GEN1: variants seen among roughly 807,000 people sequenced by gnomAD.
The protein encoded by GEN1 is flap endonuclease GEN homolog 1.
In GEN1, 64 loss-of-function variants were observed where a neutral mutation model predicts 67.6. The observed-to-expected ratio is 0.95, with a 90% CI of 0.77 to 1.17. The LOEUF is 1.17. Among genes scored for constraint, GEN1 ranks in the 50% most tolerant of loss-of-function variants. The probability of loss-of-function intolerance (pLI) is 0.00; values close to 1 mark genes in which losing one functional copy is unlikely to be tolerated. For missense variants in GEN1, 1,058 were observed against 1,048.3 expected, an observed-to-expected ratio of 1.01 and a Z score of -0.13; for synonymous variants, 371 against 359.4, an observed-to-expected ratio of 1.03 and a Z score of -0.37.
Position 17,780,748 on chromosome 2 carries a change from C to G in GEN1, c.1536C>G (p.Ser512=), listed in dbSNP as rs571920756. Residue 512 remains serine, a synonymous_variant, in exon 14 of 14, where the codon TCC becomes TCG. Coordinates refer to ENST00000381254, the MANE Select transcript of GEN1 (RefSeq NM_001130009.3). ...ATTCCAAGTTAAATTCGGGGATTTC[C>G]CCTGATCCTACATTACCACAGGAAT... ...KQNSKLNSGI[S]PDPTLPQESI... 1 of 1,613,942 alleles carries G rather than the reference C, an allele frequency of 6.2e-7. No homozygotes were observed. The highest frequency in any genetic ancestry group is 8.5e-7 in the Non-Finnish European group (1 of 1,179,894).
chr2:17,774,797 G>T (rs1171663495), intron 11 of GEN1, among the ~76,000 whole-genome samples: 2 of 151,808 alleles, frequency 1.3e-5, no homozygotes, highest in South Asian at 4.2e-4. Flanking sequence ...AAAAAATGGG[G>T]ACCAAAAGTG....
rs1486144129 is a variant in GEN1, at chr2:17,778,447, T to C, written c.1264+384T>C. Among the ~76,000 whole-genome samples, 2 of 85,872 alleles carry C rather than the reference T, an allele frequency of 2.3e-5. 1 individual carries two copies. The highest frequency in any genetic ancestry group is 7.5e-5 in the African/African-American group (2 of 26,516). 56.3% of individuals were successfully genotyped at this position (85,872 alleles called of 152,430 possible). A position where few individuals can be genotyped will look rare whatever the true frequency, so the allele number is the denominator to read the frequency against. Reference sequence around the variant, plus strand: ...ACATATATGTATATACACACACATATATGTGTGTACATATATGTATATACA... The same window carrying C: ...ACATATATGTATATACACACACATACATGTGTGTACATATATGTATATACA... On this transcript the variant is annotated intron_variant, in intron 12 of 13. Coordinates refer to ENST00000381254, the MANE Select transcript of GEN1 (RefSeq NM_001130009.3).
intron 11 of GEN1, among the ~76,000 whole-genome samples, chr2:17,775,550 A>G (rs1672386800): frequency 6.6e-6 from 1 of 152,224 alleles, no homozygotes; most frequent in South Asian, 2.1e-4. Context: ...GACATCAACG[A>G]TAAAAGGAAT....
rs1558409059 is a variant in GEN1 at position 17,778,278 on chromosome 2, A to ATACACACACGTGTGTGTGTACATATATG, written c.1264+217_1264+218insCACACACGTGTGTGTGTACATATATGTA. ...CACACATATGTGTGTACATATATGT[A>ATACACACACGTGTGTGTGTACATATATG]TATACACACACATGTGTGTGTACAT... On this transcript the variant is annotated intron_variant, in intron 12 of 13. Coordinates refer to ENST00000381254, the MANE Select transcript of GEN1 (RefSeq NM_001130009.3). Among the ~76,000 whole-genome samples, 162 of 32,854 alleles carry ATACACACACGTGTGTGTGTACATATATG rather than the reference A, an allele frequency of 4.9e-3. 23 individuals carry two copies. The East Asian group carries it at 0.21, about 43-fold the overall frequency. The allele number at this position is 32,854 out of a possible 152,430, so 21.6% of individuals were successfully genotyped here.
chr2:17,763,600 A>G (rs1487760822), intron 3 of GEN1, among the ~76,000 whole-genome samples: 2 of 152,054 alleles, frequency 1.3e-5, no homozygotes, highest in Non-Finnish European at 2.9e-5. Context: ...TACCACCTCC[A>G]CCCCACATGG....
chr2:17,779,083 T>C (rs1221610161), intron 12 of GEN1, among the ~76,000 whole-genome samples: 1 of 152,090 alleles, frequency 6.6e-6, no homozygotes, highest in Non-Finnish European at 1.5e-5. Flanking sequence ...CCATCATGCC[T>C]GGCTAATTTT....
intron 3 of GEN1, among the ~76,000 whole-genome samples, chr2:17,762,449 C>T (rs1238443752): frequency 6.6e-6 from 1 of 151,944 alleles, no homozygotes; most frequent in Non-Finnish European, 1.5e-5. Flanking sequence ...CTTCGTGATC[C>T]GCCTGCCTCG....
chr2:17,767,280 T>A (rs532955721), intron 5 of GEN1, among the ~76,000 whole-genome samples: 1 of 152,310 alleles, frequency 6.6e-6, no homozygotes, highest in African/African-American at 2.4e-5. Flanking sequence ...TTTTTAAATG[T>A]AGTGTTTAAA....
intron 5 of GEN1, 101 bp downstream of exon 5, chr2:17,766,790 C>G: frequency 1.7e-6 from 1 of 585,504 alleles, no homozygotes; most frequent in Non-Finnish European, 3.0e-6. Context: ...GATTAAAAAT[C>G]GAATTTAAAA....
intron 4 of GEN1, among the ~76,000 whole-genome samples, chr2:17,766,169 A>C (rs1003739227): frequency 1.3e-5 from 2 of 152,094 alleles, no homozygotes; most frequent in African/African-American, 4.8e-5. Context: ...GAATAATTAA[A>C]CTTTTTTTCT....
Position 17,774,338 on chromosome 2 carries a change from C to T in GEN1, c.1139C>T (p.Thr380Ile). 1 of 1,604,372 alleles carries T rather than the reference C, an allele frequency of 6.2e-7. No individual in the cohort carries two copies. Among genetic ancestry groups the T allele is most frequent in the Non-Finnish European group, 8.5e-7 (1 of 1,173,062 alleles). ...TGTGAGAAATTGCTGGTACTTTTGA[C>T]CCATTATGACATGATAGAAAGAAAG... is the stretch of plus-strand genomic sequence containing the variant. ...YACEKLLVLLTHYDMIERKLG... is the reference protein window; with the variant it reads ...YACEKLLVLLIHYDMIERKLG... The change falls in exon 11 of 14, where the codon ACC (threonine) becomes ATC (isoleucine). Residue 380 changes from threonine (T) to isoleucine (I), a missense_variant. Thr to Ile is a moderately conservative substitution (Grantham distance 89). Transcript: ENST00000381254.
In GEN1 at chr2:17,785,623, G is replaced by A. The variant is rs1673032119; in HGVS notation, c.*3684G>A. On this transcript the variant is annotated 3_prime_UTR_variant, in exon 14 of 14. Transcript: ENST00000381254. Reference sequence around the variant, plus strand: ...ATAAAATCTCTATCTGGCCACACATGGTGGCCGTGCCTGTAATCCCAGCAC... The same window carrying A: ...ATAAAATCTCTATCTGGCCACACATAGTGGCCGTGCCTGTAATCCCAGCAC... The A allele has an allele frequency of 6.6e-6, 1 of 152,158 alleles. No homozygotes were observed. The highest frequency in any genetic ancestry group is 2.4e-5 in the African/African-American group (1 of 41,424). 9.4% of individuals were successfully genotyped at this position (152,158 alleles called of 1,614,324 possible).
At chr2:17,778,580 A>G (rs1462938533) in intron 12 of GEN1, among the ~76,000 whole-genome samples, 2 of 147,518 alleles carry the variant, frequency 1.4e-5, no homozygotes, top group Non-Finnish European at 1.5e-5. Context: ...AATAGTAAAT[A>G]TGATAAACTT....
In GEN1 at chr2:17,786,151, A is replaced by T. The variant is rs1209735939; in HGVS notation, c.*4212A>T. 2.0e-5 allele frequency: 3 copies of T among 152,210 alleles called. No homozygotes were observed. The highest frequency in any genetic ancestry group is 4.4e-5 in the Non-Finnish European group (3 of 68,028). The allele number at this position is 152,210 out of a possible 1,614,324, so 9.4% of individuals were successfully genotyped here. ...GAGATACAGTGATCAATGGCATCCT[A>T]TAAGGTTTTGATATCTGTGAAGTCA... On this transcript the variant is annotated 3_prime_UTR_variant, in exon 14 of 14. Coordinates refer to ENST00000381254, the MANE Select transcript of GEN1 (RefSeq NM_001130009.3).
Position 17,778,197 on chromosome 2 carries a change from CAT to C in GEN1, c.1264+139_1264+140del, listed in dbSNP as rs10535307. 142,592 of 333,862 alleles carry C rather than the reference CAT, an allele frequency of 0.43. 36,622 individuals carry two copies. Among genetic ancestry groups the C allele is most frequent in the South Asian group, 0.59 (15,615 of 26,684 alleles). 20.7% of individuals were successfully genotyped at this position (333,862 alleles called of 1,614,324 possible). A position where few individuals can be genotyped will look rare whatever the true frequency, so the allele number is the denominator to read the frequency against. The stretch of plus-strand genomic sequence containing the variant: ...GTGTATATATATATATACACACACA[CAT>C]ATATGTGTATATATATGTATACACA... On this transcript the variant is annotated intron_variant, in intron 12 of 13. Coordinates refer to ENST00000381254, the MANE Select transcript of GEN1 (RefSeq NM_001130009.3).
rs370543911 is a variant in GEN1 at position 17,778,251 on chromosome 2, TAC to T, written c.1264+194_1264+195del. Among the ~76,000 whole-genome samples, 4 of 106,136 alleles carry T rather than the reference TAC, an allele frequency of 3.8e-5. 2 individuals are homozygous for T. Among genetic ancestry groups the T allele is most frequent in the African/African-American group, 1.9e-4 (4 of 21,282 alleles). 69.6% of individuals were successfully genotyped at this position (106,136 alleles called of 152,430 possible). On this transcript the variant is annotated intron_variant, in intron 12 of 13. Transcript: ENST00000381254. ...ACATATATGTGTGTACATATATGTA[TAC>T]ACACATATGTGTGTACATATATGTA...
At chr2:17,756,416 GATAT>G (rs1553325885) in intron 1 of GEN1, among the ~76,000 whole-genome samples, 1 of 152,018 alleles carries the variant, frequency 6.6e-6, no homozygotes, top group African/African-American at 2.4e-5. Flanking sequence ...GACTTCTTTT[GATAT>G]ATATATGTTG....
At chr2:17,768,280 GTTAAC>G (rs1047062220) in intron 5 of GEN1, among the ~76,000 whole-genome samples, 45 of 152,310 alleles carry the variant, frequency 3.0e-4, no homozygotes, top group African/African-American at 7.2e-4. Context: ...AATTTCAAGA[GTTAAC>G]TTAAAACGTT....
At chr2:17,759,612 A>T (rs992157218) in intron 1 of GEN1, among the ~76,000 whole-genome samples, 2 of 148,998 alleles carry the variant, frequency 1.3e-5, no homozygotes, top group Non-Finnish European at 3.0e-5. Context: ...CCTGGGTATG[A>T]TAGAGAATTA....
Sources: allele counts gnomAD v4.1 joint callset (sites outside exome capture counted in the v4.1 genomes callset), GRCh38; gene constraint gnomAD v4.1.1; transcripts MANE v1.5; gene names NCBI Gene and HGNC (gene_info 2026-07-23, HGNC 2026-07-21).